The following SCN8A variants were observed in gnomAD, a reference collection of about 807,000 sequenced individuals.
SCN8A encodes the protein sodium voltage-gated channel alpha subunit 8.
SCN8A carries 30 observed loss-of-function variants against 184.1 expected under a neutral mutation model. The observed-to-expected ratio is 0.16, with a 90% CI of 0.12 to 0.22. The LOEUF (loss-of-function observed/expected upper bound fraction) is 0.22. SCN8A is among the 10% of genes least tolerant of loss of function. SCN8A has a pLI of 1.00. For missense variants in SCN8A, 1,057 were observed against 2,498.9 expected (o/e 0.42, Z 12.30); for synonymous variants, 852 against 907.0 (o/e 0.94, Z 1.09).
intron 14 of SCN8A, among the ~76,000 whole-genome samples, chr12:51,754,804 G>C (rs1024137747): frequency 3.9e-4 from 60 of 152,278 alleles, no homozygotes; most frequent in African/African-American, 1.4e-3. Context: ...ATTAGATGCA[G>C]GTTCTGCATT....
intron 25 of SCN8A, among the ~76,000 whole-genome samples, chr12:51,791,658 C>T (rs1938254257): frequency 6.6e-6 from 1 of 152,158 alleles, no homozygotes; most frequent in Non-Finnish European, 1.5e-5. Context: ...GTATTTTCTT[C>T]CACATTAAAA....
rs769940455 is a variant in SCN8A, at chr12:51,745,885, C to CT, written c.1999-5dup. 0.071 allele frequency: 75,275 copies of CT among 1,061,912 alleles called. 2 individuals carry two copies. The highest frequency in any genetic ancestry group is 0.093 in the South Asian group (5,527 of 59,394). The allele number at this position is 1,061,912 out of a possible 1,614,324, so 65.8% of individuals were successfully genotyped here. A position where few individuals can be genotyped will look rare whatever the true frequency, so the allele number is the denominator to read the frequency against. On this transcript the variant is annotated splice_polypyrimidine_tract_variant and intron_variant, in intron 12 of 26. Transcript: ENST00000627620. ...GACTTAACTCACTCTATTTGCTTTT[C>CT]TTTTTTTTTTTTTAAAGGCTACAAC...
rs1941461790 is a variant in SCN8A, at chr12:51,688,854, G to T, written c.615-151G>T. ...AAACTATTTCGGTAATCCCAGGTAA[G>T]ATGGTCCGGGGTTGGTGTTAGGTGT... On this transcript the variant is annotated intron_variant, in intron 5 of 26. Transcript: ENST00000627620. 7 of 1,611,518 alleles carry T rather than the reference G, an allele frequency of 4.3e-6. No homozygotes were observed. The highest frequency in any genetic ancestry group is 5.9e-6 in the Non-Finnish European group (7 of 1,177,862).
intron 1 of SCN8A, among the ~76,000 whole-genome samples, chr12:51,633,546 C>T (rs1695047192): frequency 6.6e-6 from 1 of 152,152 alleles, no homozygotes; most frequent in African/African-American, 2.4e-5. Context: ...TCTTTCTCTC[C>T]TTGGTGCTCT....
intron 26 of SCN8A, among the ~76,000 whole-genome samples, chr12:51,800,288 G>C (rs1262690900): frequency 6.6e-6 from 1 of 152,232 alleles, no homozygotes; most frequent in Non-Finnish European, 1.5e-5. Context: ...TGGTACAGCA[G>C]CTGCAGTTGG....
intron 26 of SCN8A, among the ~76,000 whole-genome samples, chr12:51,804,929 GA>G (rs1417388695): frequency 6.8e-6 from 1 of 146,944 alleles, no homozygotes; most frequent in Non-Finnish European, 1.5e-5. Flanking sequence ...GAGCAAAGAA[GA>G]AGATACTTTG....
chr12:51,774,457 G>A, intron 20 of SCN8A, 95 bp downstream of exon 20: 1 of 1,182,540 alleles, frequency 8.5e-7, no homozygotes, highest in South Asian at 1.6e-5. Context: ...CCTGGGCCCA[G>A]GTTATAGATC....
rs1942876546 is a variant in SCN8A, at chr12:51,768,810, G to A, written c.2902-55G>A. 3 of 1,451,056 alleles carry A rather than the reference G, an allele frequency of 2.1e-6. No individual in the cohort carries two copies. The Admixed American group carries it at 7.4e-5, about 36-fold the overall frequency. The allele number at this position is 1,451,056 out of a possible 1,614,324, so 89.9% of individuals were successfully genotyped here. ...ATTGGCTTCCAGTTTGCAACCCTGA[G>A]TTCGATGGATAACTTTTCTGCATTT... On this transcript the variant is annotated intron_variant, in intron 16 of 26. Transcript: ENST00000627620.
intron 12 of SCN8A, 32 bp from the exon 13 acceptor site, chr12:51,745,871 C>T (rs1942501856): frequency 2.6e-6 from 4 of 1,521,004 alleles, no homozygotes; most frequent in Non-Finnish European, 3.5e-6. Context: ...ACTTAACTCA[C>T]TCTATTTGCT....
At chr12:51,779,161 A>G (rs985357655) in intron 20 of SCN8A, among the ~76,000 whole-genome samples, 2 of 149,258 alleles carry the variant, frequency 1.3e-5, no homozygotes. Context: ...TGGAAGTTGC[A>G]GTGAGCCAAG....
intron 1 of SCN8A, among the ~76,000 whole-genome samples, chr12:51,608,077 G>A: frequency 6.8e-6 from 1 of 148,146 alleles, no homozygotes; most frequent in Non-Finnish European, 1.5e-5. Flanking sequence ...CTGGAGTGCA[G>A]TGGCGTGATC....
At chr12:51,641,716 G>C (rs1398285953) in intron 1 of SCN8A, among the ~76,000 whole-genome samples, 1 of 152,196 alleles carries the variant, frequency 6.6e-6, no homozygotes, top group South Asian at 2.1e-4. Flanking sequence ...TCCACTGTGC[G>C]GAAAGGCAGT....
At chr12:51,768,457 G>A (rs917389031) in intron 16 of SCN8A, among the ~76,000 whole-genome samples, 2 of 151,746 alleles carry the variant, frequency 1.3e-5, no homozygotes, top group Non-Finnish European at 2.9e-5. Context: ...TTTTTCTGAC[G>A]TGGGTCCTCT....
intron 12 of SCN8A, among the ~76,000 whole-genome samples, chr12:51,723,674 G>A (rs528813178): frequency 6.8e-4 from 103 of 152,210 alleles, no homozygotes; most frequent in Middle Eastern, 3.4e-3. Context: ...CCAGGAGTTC[G>A]AGACAAGCCT....
chr12:51,742,670 A>AG (rs564319022), intron 12 of SCN8A, among the ~76,000 whole-genome samples: 6 of 149,676 alleles, frequency 4.0e-5, no homozygotes, highest in Non-Finnish European at 8.9e-5. Flanking sequence ...AGATGCCTTG[A>AG]GGTAGTCTTC....
At chr12:51,796,917 C>G (rs1938427505) in intron 26 of SCN8A, among the ~76,000 whole-genome samples, 1 of 152,212 alleles carries the variant, frequency 6.6e-6, no homozygotes, top group African/African-American at 2.4e-5. Context: ...CCTGCTTTTT[C>G]TAGCTGAGCT....
chr12:51,653,220 T>C (rs1940754434), intron 1 of SCN8A, among the ~76,000 whole-genome samples: 1 of 152,106 alleles, frequency 6.6e-6, no homozygotes, highest in South Asian at 2.1e-4. Flanking sequence ...CTTGGGAGGC[T>C]GAGACAGGAG....
intron 5 of SCN8A, among the ~76,000 whole-genome samples, chr12:51,688,152 A>G (rs993600977): frequency 6.6e-6 from 1 of 152,230 alleles, no homozygotes; most frequent in African/African-American, 2.4e-5. Context: ...TGTCCTTGCT[A>G]GGCACAGAGC....
intron 1 of SCN8A, among the ~76,000 whole-genome samples, chr12:51,653,096 G>C (rs1462284418): frequency 4.6e-5 from 7 of 152,138 alleles, no homozygotes; most frequent in Non-Finnish European, 7.3e-5. Context: ...GAGGTGAGTG[G>C]ATCATCTGAG....
Sources: gnomAD v4.1 joint callset for allele counts (sites outside exome capture counted in the v4.1 genomes callset) on GRCh38, gnomAD v4.1.1 for gene constraint, MANE v1.5 for transcripts, NCBI Gene and HGNC (gene_info 2026-07-23, HGNC 2026-07-21) for gene names.